The following GPC5 variants were observed in gnomAD, a reference collection of about 807,000 sequenced individuals.
GPC5 encodes the protein glypican 5, also known as glypican-5.
A neutral mutation model predicts 53.9 loss-of-function variants in GPC5; 47 were observed. The ratio of observed to expected loss-of-function variants is 0.87; its 90% CI spans 0.69 to 1.11. The LOEUF is 1.11. Ranked by LOEUF, GPC5 falls within the 50% of genes most tolerant of loss-of-function variation. The pLI is 0.00. For synonymous variants in GPC5, 286 were observed against 263.3 expected, an observed-to-expected ratio of 1.09 and a Z score of -0.84; for missense variants, 748 against 713.1, an observed-to-expected ratio of 1.05 and a Z score of -0.56.
intron 2 of GPC5, among the ~76,000 whole-genome samples, chr13:91,538,909 C>T (rs1886721713): frequency 2.0e-5 from 3 of 150,550 alleles, no homozygotes; most frequent in Non-Finnish European, 4.4e-5. Flanking sequence ...TAATTTTTGT[C>T]CTGTAGAGTT....
intron 7 of GPC5, among the ~76,000 whole-genome samples, chr13:92,443,543 C>CA (rs34863986): frequency 1.1e-4 from 17 of 151,696 alleles, no homozygotes; most frequent in South Asian, 4.2e-4. Context: ...ACTTGTGTTA[C>CA]AAAAAAAACA....
chr13:92,213,738 C>A (rs953346227), intron 7 of GPC5, among the ~76,000 whole-genome samples: 1 of 152,138 alleles, frequency 6.6e-6, no homozygotes, highest in Non-Finnish European at 1.5e-5. Flanking sequence ...AAAAGCCCAA[C>A]TCCTAAATAG....
chr13:91,803,781 G>GACACACACACAC (rs369314989), intron 5 of GPC5, among the ~76,000 whole-genome samples: 24 of 147,642 alleles, frequency 1.6e-4, no homozygotes, highest in South Asian at 4.3e-4. Flanking sequence ...CAGACAGACA[G>GACACACACACAC]ACACACACAC....
chr13:92,126,537 T>G (rs1315640892), intron 6 of GPC5, among the ~76,000 whole-genome samples: 2 of 152,196 alleles, frequency 1.3e-5, no homozygotes, highest in Non-Finnish European at 2.9e-5. Context: ...CTGCTGCTGA[T>G]GGGCCGAATC....
At chr13:92,615,156 G>A (rs1285036830) in intron 7 of GPC5, among the ~76,000 whole-genome samples, 1 of 152,162 alleles carries the variant, frequency 6.6e-6, no homozygotes, top group East Asian at 1.9e-4. Context: ...ACATATTTCA[G>A]CAGTGGTGGA....
chr13:92,439,287 C>A (rs1877449661), intron 7 of GPC5, among the ~76,000 whole-genome samples: 1 of 152,244 alleles, frequency 6.6e-6, no homozygotes, highest in East Asian at 1.9e-4. Context: ...GAGTAGTCAA[C>A]ATTTTCAAAT....
chr13:92,802,398 T>G (rs938644996), intron 7 of GPC5, among the ~76,000 whole-genome samples: 1 of 151,134 alleles, frequency 6.6e-6, no homozygotes, highest in Non-Finnish European at 1.5e-5. Context: ...TTTTTTTTTG[T>G]ATGTGTATTT....
At chr13:92,379,693 G>C (rs553557954) in intron 7 of GPC5, among the ~76,000 whole-genome samples, 1 of 151,768 alleles carries the variant, frequency 6.6e-6, no homozygotes, top group East Asian at 1.9e-4. Flanking sequence ...TGTGCCCCCT[G>C]CATATTTGTT....
intron 1 of GPC5, among the ~76,000 whole-genome samples, chr13:91,405,039 T>C (rs1262622121): frequency 1.3e-5 from 2 of 152,220 alleles, no homozygotes; most frequent in Non-Finnish European, 2.9e-5. Context: ...GGATTAAATC[T>C]CTGTAGCATA....
chr13:91,934,214 A>G (rs1393149739), intron 6 of GPC5, among the ~76,000 whole-genome samples: 1 of 151,996 alleles, frequency 6.6e-6, no homozygotes, highest in Non-Finnish European at 1.5e-5. Context: ...ATCAGAAGTT[A>G]AAAGAGAGGT....
intron 2 of GPC5, among the ~76,000 whole-genome samples, chr13:91,610,359 A>G (rs1364979247): frequency 6.6e-6 from 1 of 152,112 alleles, no homozygotes; most frequent in Admixed American, 6.6e-5. Flanking sequence ...TGAATATACT[A>G]TTTTTATTAC....
At chr13:91,946,107 T>G (rs528133041) in intron 6 of GPC5, among the ~76,000 whole-genome samples, 2 of 152,098 alleles carry the variant, frequency 1.3e-5, no homozygotes, top group Non-Finnish European at 2.9e-5. Flanking sequence ...CTACCTTCTG[T>G]TTTTTATGCT....
intron 2 of GPC5, among the ~76,000 whole-genome samples, chr13:91,677,917 G>A (rs181286856): frequency 5.3e-5 from 8 of 152,264 alleles, no homozygotes; most frequent in Admixed American, 5.2e-4. Flanking sequence ...TACTGTTGGA[G>A]TATTTTCTGA....
At chr13:92,579,255 C>T (rs987154035) in intron 7 of GPC5, among the ~76,000 whole-genome samples, 2 of 36,626 alleles carry the variant, frequency 5.5e-5, no homozygotes, top group Admixed American at 2.0e-4. Flanking sequence ...CCCTCCCTCC[C>T]TCCCTCCCTC....
intron 1 of GPC5, among the ~76,000 whole-genome samples, chr13:91,406,137 C>G (rs921822798): frequency 1.3e-5 from 2 of 152,148 alleles, no homozygotes; most frequent in African/African-American, 4.8e-5. Context: ...AATTATGTAG[C>G]CAGTCCTAAC....
chr13:91,618,503 C>T (rs181326057), intron 2 of GPC5, among the ~76,000 whole-genome samples: 12 of 152,124 alleles, frequency 7.9e-5, no homozygotes, highest in Admixed American at 7.9e-4. Context: ...TCTCTCAGCC[C>T]ACTCATGTGT....
intron 5 of GPC5, among the ~76,000 whole-genome samples, chr13:91,760,875 C>A (rs1299170164): frequency 6.6e-6 from 1 of 152,122 alleles, no homozygotes; most frequent in Non-Finnish European, 1.5e-5. Flanking sequence ...CTATTTAACT[C>A]AAATGATTTC....
intron 7 of GPC5, among the ~76,000 whole-genome samples, chr13:92,183,919 T>C (rs1218963225): frequency 6.6e-6 from 1 of 152,078 alleles, no homozygotes; most frequent in Non-Finnish European, 1.5e-5. Context: ...TCTTTGATCT[T>C]ATCTAATAGG....
chr13:92,125,111 A>T (rs1190651084), intron 6 of GPC5, among the ~76,000 whole-genome samples: 5 of 152,272 alleles, frequency 3.3e-5, no homozygotes, highest in African/African-American at 1.2e-4. Context: ...ATGTTGTATG[A>T]TGCTTTCTGG....
Sources: allele counts gnomAD v4.1 joint callset (sites outside exome capture counted in the v4.1 genomes callset), GRCh38; gene constraint gnomAD v4.1.1; transcripts MANE v1.5; gene names NCBI Gene and HGNC (gene_info 2026-07-23, HGNC 2026-07-21).